The following DAP variants were observed in gnomAD, a reference collection of about 807,000 sequenced individuals.
DAP encodes death-associated protein 1.
In DAP, 8 loss-of-function variants were observed where a neutral mutation model predicts 13.8. That is an observed-to-expected ratio of 0.58 (90% CI 0.34 to 1.05). DAP has a LOEUF of 1.05. Ranked by LOEUF, DAP falls within the 50% of genes least tolerant of loss-of-function variation. The pLI, the probability that DAP is intolerant of heterozygous loss-of-function variation, is 0.03. For synonymous variants in DAP, 47 were observed against 47.5 expected (o/e 0.99, Z 0.04); for missense variants, 106 against 133.2 (o/e 0.80, Z 1.01).
intron 2 of DAP, among the ~76,000 whole-genome samples, chr5:10,722,909 T>C (rs1225804441): frequency 6.6e-6 from 1 of 152,138 alleles, no homozygotes; most frequent in East Asian, 1.9e-4. Flanking sequence ...GAACCGAATA[T>C]CAATCACAGA....
rs1269631785 is a variant in DAP, at chr5:10,680,799, G to A, written c.*257C>T. On this transcript the variant is annotated 3_prime_UTR_variant, in exon 4 of 4. Transcript: ENST00000230895. ...AAAGCTAAAATTTTTCTCGGATCTT[G>A]GCAAATTCTGCTAATGGCACCTCTA... 6.5e-7 allele frequency: 1 copy of A among 1,536,754 alleles called. No homozygotes were observed. The highest frequency in any genetic ancestry group is 2.0e-5 in the Admixed American group (1 of 51,006).
chr5:10,756,017 G>A (rs1445870071), intron 1 of DAP, among the ~76,000 whole-genome samples: 2 of 152,180 alleles, frequency 1.3e-5, no homozygotes, highest in Non-Finnish European at 2.9e-5. Flanking sequence ...TTGTGGTGGT[G>A]CACACCTGTA....
chr5:10,699,466 A>G (rs1270393157), intron 2 of DAP, among the ~76,000 whole-genome samples: 2 of 152,244 alleles, frequency 1.3e-5, no homozygotes, highest in Non-Finnish European at 2.9e-5. Flanking sequence ...AAATAGCAAG[A>G]GGCCAACAGG....
intron 2 of DAP, among the ~76,000 whole-genome samples, chr5:10,715,894 C>T (rs1561019311): frequency 6.6e-6 from 1 of 152,180 alleles, no homozygotes; most frequent in Non-Finnish European, 1.5e-5. Flanking sequence ...TTTGATGATC[C>T]CAAATTGGAC....
chr5:10,699,097 T>C (rs1445414051), intron 2 of DAP, among the ~76,000 whole-genome samples: 3 of 152,234 alleles, frequency 2.0e-5, no homozygotes, highest in African/African-American at 7.2e-5. Flanking sequence ...CACTTGGCTC[T>C]ATTTCAAATC....
intron 1 of DAP, among the ~76,000 whole-genome samples, chr5:10,749,168 T>C (rs148623552): frequency 6.6e-6 from 1 of 152,372 alleles, no homozygotes; most frequent in Non-Finnish European, 1.5e-5. Flanking sequence ...TTGTCAAATA[T>C]TCTATTGCAT....
chr5:10,727,810 T>C (rs1196760951), intron 2 of DAP, among the ~76,000 whole-genome samples: 3 of 152,254 alleles, frequency 2.0e-5, no homozygotes, highest in Non-Finnish European at 4.4e-5. Context: ...ATCCCACAGA[T>C]GCTCACATCC....
chr5:10,743,653 T>C (rs937271502), intron 2 of DAP, among the ~76,000 whole-genome samples: 4 of 152,218 alleles, frequency 2.6e-5, no homozygotes, highest in African/African-American at 7.2e-5. Context: ...CTAAAGTCCA[T>C]TCTATGTCTG....
intron 2 of DAP, among the ~76,000 whole-genome samples, chr5:10,723,700 C>T (rs570541816): frequency 6.6e-6 from 1 of 152,186 alleles, no homozygotes; most frequent in Non-Finnish European, 1.5e-5. Context: ...TCACAGGCTC[C>T]AGGCCAGATA....
At chr5:10,760,708 A>C (rs1260170766) in intron 1 of DAP, among the ~76,000 whole-genome samples, 1 of 152,226 alleles carries the variant, frequency 6.6e-6, no homozygotes, top group Non-Finnish European at 1.5e-5. Context: ...CTTTGTTATA[A>C]GTTGTGCAAC....
At position 10,751,253 on chromosome 5, in the gene DAP, AAAAAAGC is replaced by A. The variant is rs1441817170; in HGVS notation, c.56-2989_56-2983del. Among the ~76,000 whole-genome samples, 4 of 152,180 alleles carry A rather than the reference AAAAAAGC, an allele frequency of 2.6e-5. No homozygotes were observed. In the South Asian group the frequency reaches 6.2e-4, roughly 24 times the overall value. ...TTTCACTTCAAGGTCAAATTCTTTTAAAAAAGCAAAAAGCCAAAGACAAAACAGAAAA... is the reference window on the plus strand; with the variant it reads ...TTTCACTTCAAGGTCAAATTCTTTTAAAAAAGCCAAAGACAAAACAGAAAA... On this transcript the variant is annotated intron_variant, in intron 1 of 3. Coordinates refer to ENST00000230895, the MANE Select transcript of DAP (RefSeq NM_004394.3).
intron 1 of DAP, among the ~76,000 whole-genome samples, chr5:10,754,506 C>T (rs747920654): frequency 1.3e-5 from 2 of 152,170 alleles, no homozygotes; most frequent in Non-Finnish European, 2.9e-5. Flanking sequence ...AGTTCAGAGA[C>T]ATAGTGGGAC....
At chr5:10,736,387 T>G (rs1053813566) in intron 2 of DAP, among the ~76,000 whole-genome samples, 7 of 152,184 alleles carry the variant, frequency 4.6e-5, no homozygotes, top group African/African-American at 1.7e-4. Flanking sequence ...TTTGTCCTAA[T>G]GGCAGATCTC....
chr5:10,745,435 C>T (rs1435788463), intron 2 of DAP, among the ~76,000 whole-genome samples: 5 of 152,176 alleles, frequency 3.3e-5, no homozygotes, highest in Non-Finnish European at 7.3e-5. Context: ...GCAAACCATA[C>T]CCTGCAGTCG....
intron 2 of DAP, among the ~76,000 whole-genome samples, chr5:10,735,799 C>T (rs1220397940): frequency 1.3e-5 from 2 of 152,198 alleles, no homozygotes; most frequent in Admixed American, 1.3e-4. Context: ...GCTGTCATTG[C>T]TGTTGGAATG....
intron 2 of DAP, among the ~76,000 whole-genome samples, chr5:10,745,664 T>C (rs1739881633): frequency 6.6e-6 from 1 of 152,238 alleles, no homozygotes; most frequent in Non-Finnish European, 1.5e-5. Flanking sequence ...TCCTTATTTC[T>C]AAACTTGCTA....
At position 10,683,579 on chromosome 5, in the gene DAP, A is replaced by C. The variant is rs1738085209; in HGVS notation, c.153-8T>G. 8 of 1,613,800 alleles carry C rather than the reference A, an allele frequency of 5.0e-6. No individual in the cohort carries two copies. In the East Asian group the frequency reaches 1.8e-4, roughly 36 times the overall value. On this transcript the variant is annotated splice_region_variant and splice_polypyrimidine_tract_variant and intron_variant, in intron 2 of 3. Coordinates refer to ENST00000230895, the MANE Select transcript of DAP (RefSeq NM_004394.3). The stretch of plus-strand genomic sequence containing the variant: ...ACAGTGGGTTTAGGTGGACTGGAAA[A>C]AAAGAAGGGAAAAGGCAGATTTAAC...
intron 2 of DAP, among the ~76,000 whole-genome samples, chr5:10,719,273 A>G (rs1450839798): frequency 2.0e-5 from 3 of 152,210 alleles, no homozygotes; most frequent in East Asian, 3.8e-4. Flanking sequence ...AAAGGCTGTC[A>G]GCTTTGAGTG....
At chr5:10,726,793 C>G (rs1739298176) in intron 2 of DAP, among the ~76,000 whole-genome samples, 1 of 152,198 alleles carries the variant, frequency 6.6e-6, no homozygotes, top group African/African-American at 2.4e-5. Context: ...GTGTTCACAA[C>G]AGAAGGTGCA....
Sources: allele counts gnomAD v4.1 joint callset (sites outside exome capture counted in the v4.1 genomes callset), GRCh38; gene constraint gnomAD v4.1.1; transcripts MANE v1.5; gene names NCBI Gene and HGNC (gene_info 2026-07-23, HGNC 2026-07-21).